The following CREB3L2 variants were observed in gnomAD, a reference collection of about 807,000 sequenced individuals.
CREB3L2 encodes cyclic AMP-responsive element-binding protein 3-like protein 2.
CREB3L2 carries 23 observed loss-of-function variants against 57.2 expected under a neutral mutation model. The observed-to-expected ratio is 0.40, with a 90% CI of 0.29 to 0.57. CREB3L2 has a LOEUF of 0.57. Among genes scored for constraint, CREB3L2 ranks in the 20% least tolerant of loss-of-function variants. The pLI, the probability that CREB3L2 is intolerant of heterozygous loss-of-function variation, is 0.42. For missense variants in CREB3L2, 628 were observed against 634.7 expected, an observed-to-expected ratio of 0.99 and a Z score of 0.11; for synonymous variants, 268 against 265.1, an observed-to-expected ratio of 1.01 and a Z score of -0.11.
At chr7:137,970,959 A>G (rs752975426) in intron 1 of CREB3L2, among the ~76,000 whole-genome samples, 1 of 152,222 alleles carries the variant, frequency 6.6e-6, no homozygotes, top group East Asian at 1.9e-4. Context: ...TGGGTGCCTC[A>G]GTGTGAGATA....
rs1799203036 is a variant in CREB3L2, at chr7:137,878,283, A to C, written c.*2193T>G. On this transcript the variant is annotated 3_prime_UTR_variant, in exon 12 of 12. Transcript: ENST00000330387. Reference sequence around the variant, plus strand: ...GAGCCTTGAAAACCCAGTCTGGTTCAGTTGCAGCAGGTACATGGGTTGGCT... The same window carrying C: ...GAGCCTTGAAAACCCAGTCTGGTTCCGTTGCAGCAGGTACATGGGTTGGCT... The C allele has an allele frequency of 4.3e-6, 1 of 232,812 alleles. No individual in the cohort carries two copies. Among genetic ancestry groups the C allele is most frequent in the African/African-American group, 2.2e-5 (1 of 45,338 alleles). The allele number at this position is 232,812 out of a possible 1,614,324, so 14.4% of individuals were successfully genotyped here. A position where few individuals can be genotyped will look rare whatever the true frequency, so the allele number is the denominator to read the frequency against.
At chr7:137,901,629 C>T (rs1382912355) in intron 7 of CREB3L2, among the ~76,000 whole-genome samples, 1 of 151,202 alleles carries the variant, frequency 6.6e-6, no homozygotes, top group South Asian at 2.1e-4. Context: ...GCCTGTAATC[C>T]CAGCACTTTG....
chr7:137,891,908 A>G (rs1199446893), intron 8 of CREB3L2, among the ~76,000 whole-genome samples: 3 of 152,100 alleles, frequency 2.0e-5, no homozygotes, highest in African/African-American at 7.2e-5. Context: ...CTTACAACAC[A>G]TCTTAGAAAT....
intron 1 of CREB3L2, among the ~76,000 whole-genome samples, chr7:137,933,052 C>G (rs1002960084): frequency 1.3e-5 from 2 of 152,164 alleles, no homozygotes; most frequent in South Asian, 2.1e-4. Context: ...AAGATTAGAA[C>G]CAGACTTCCT....
intron 1 of CREB3L2, among the ~76,000 whole-genome samples, chr7:137,996,869 T>C (rs534688399): frequency 6.6e-6 from 1 of 152,380 alleles, no homozygotes; most frequent in East Asian, 1.9e-4. Flanking sequence ...GCAGAACTTC[T>C]GTTGTTACTT....
chr7:137,942,096 T>A (rs1213104485), intron 1 of CREB3L2, among the ~76,000 whole-genome samples: 1 of 152,194 alleles, frequency 6.6e-6, no homozygotes, highest in African/African-American at 2.4e-5. Flanking sequence ...TTCCCTGCAA[T>A]TTCTCCACAG....
intron 1 of CREB3L2, chr7:137,999,791 T>C (rs1293970036): frequency 1.3e-5 from 2 of 152,260 alleles, no homozygotes; most frequent in African/African-American, 4.8e-5. Context: ...AGGAATGAGC[T>C]GTTCACAACA....
At chr7:137,994,916 T>C (rs1463831450) in intron 1 of CREB3L2, among the ~76,000 whole-genome samples, 2 of 152,206 alleles carry the variant, frequency 1.3e-5, no homozygotes, top group Non-Finnish European at 1.5e-5. Context: ...AACATACCTT[T>C]TGACTAAGGA....
At chr7:137,955,279 T>C in intron 1 of CREB3L2, 1 of 1,289,114 alleles carries the variant, frequency 7.8e-7, no homozygotes, top group Non-Finnish European at 1.0e-6. Context: ...ACAGACAGTT[T>C]CTCTAAGGAG....
chr7:138,000,040 A>T (rs1253546239), intron 1 of CREB3L2, among the ~76,000 whole-genome samples: 2 of 152,132 alleles, frequency 1.3e-5, no homozygotes, highest in African/African-American at 4.8e-5. Context: ...TTCCCTGTGA[A>T]CTCACAAATG....
At position 137,955,318 on chromosome 7, in the gene CREB3L2, C is replaced by T. The variant is rs1235663944; in HGVS notation, c.103-26952G>A. On this transcript the variant is annotated intron_variant, in intron 1 of 11. Coordinates refer to ENST00000330387, the MANE Select transcript of CREB3L2 (RefSeq NM_194071.4). ...GCAGCAAAGCCCTGGTGGATTGAAG[C>T]TGGTCGCATCCTGGTTTGGTAAGCA... 7.8e-6 allele frequency: 10 copies of T among 1,289,078 alleles called. No individual in the cohort carries two copies. The East Asian group carries it at 2.8e-4, about 36-fold the overall frequency. 79.9% of individuals were successfully genotyped at this position (1,289,078 alleles called of 1,614,324 possible).
At position 137,885,408 on chromosome 7, in the gene CREB3L2, G is replaced by A. The variant is rs746296218; in HGVS notation, c.1138C>T (p.Leu380Phe). 6.2e-7 allele frequency: 1 copy of A among 1,613,602 alleles called. No homozygotes were observed. Among genetic ancestry groups the A allele is most frequent in the Non-Finnish European group, 8.5e-7 (1 of 1,179,544 alleles). The change falls in exon 9 of 12, where the codon CTC (leucine) becomes TTC (phenylalanine). Residue 380 changes from leucine (L) to phenylalanine (F), a missense_variant. Coordinates refer to ENST00000330387, the MANE Select transcript of CREB3L2 (RefSeq NM_194071.4). ...TACCCTGCTGGGAAGCTCACCATGA[G>A]GCAGGTGCCAGTCTGCGTGCCAGCT... ...KLAGTQTGTC[L>F]MVVVLCFAVA...
chr7:137,882,803 T>C (rs550246460), intron 10 of CREB3L2, among the ~76,000 whole-genome samples, 175 bp from the exon 11 acceptor site: 28 of 152,288 alleles, frequency 1.8e-4, no homozygotes, highest in Non-Finnish European at 3.5e-4. Context: ...GCTTCGGAGT[T>C]TGTGCATTGA....
Position 137,880,562 on chromosome 7 carries a change from A to T in CREB3L2, c.1488-11T>A. On this transcript the variant is annotated splice_polypyrimidine_tract_variant and intron_variant, in intron 11 of 11. Transcript: ENST00000330387. The surrounding 1 kb of genome is among the most constrained non-coding windows in gnomAD (Gnocchi z 4.0). ...AGTTTGGCGCTGACCCTGTGAAGGC[A>T]TTAAAAGGAAAACGAAGTATTAGTC... 6.2e-7 allele frequency: 1 copy of T among 1,607,586 alleles called. No homozygotes were observed. Among genetic ancestry groups the T allele is most frequent in the Non-Finnish European group, 8.5e-7 (1 of 1,174,224 alleles).
At chr7:137,935,460 C>G (rs927820342) in intron 1 of CREB3L2, among the ~76,000 whole-genome samples, 1 of 152,232 alleles carries the variant, frequency 6.6e-6, no homozygotes, top group African/African-American at 2.4e-5. Context: ...GAATTGATCT[C>G]TCATTTCCCT....
intron 1 of CREB3L2, among the ~76,000 whole-genome samples, chr7:137,971,184 C>G (rs1476633332): frequency 1.3e-5 from 2 of 152,000 alleles, no homozygotes. Flanking sequence ...GGCGTGGTGG[C>G]TCACGCCTGT....
At chr7:137,948,336 G>A (rs1455007750) in intron 1 of CREB3L2, among the ~76,000 whole-genome samples, 2 of 152,164 alleles carry the variant, frequency 1.3e-5, no homozygotes, top group African/African-American at 2.4e-5. Flanking sequence ...CTCAATTCAC[G>A]ATTAAACTGT....
chr7:137,898,039 A>G (rs1799663755), intron 8 of CREB3L2, among the ~76,000 whole-genome samples: 1 of 152,254 alleles, frequency 6.6e-6, no homozygotes, highest in Admixed American at 6.5e-5. Flanking sequence ...AATATTAAAA[A>G]CATATGAGGA....
chr7:137,905,762 C>T lies in CREB3L2; in HGVS notation c.855G>A (p.Leu285=). Residue 285 remains leucine (L), a synonymous_variant, in exon 6 of 12, where the codon TTG becomes TTA. Transcript: ENST00000330387. ...CCTTCTCCTCTGATTTTGACAGGGG[C>T]AATTTGGTGGGGATGGGATAGCCCT... ...IAEGYPIPTK[L]PLSKSEEKAL... The T allele has an allele frequency of 6.2e-7, 1 of 1,614,054 alleles. No individual in the cohort carries two copies. Among genetic ancestry groups the T allele is most frequent in the Non-Finnish European group, 8.5e-7 (1 of 1,179,938 alleles).
Sources: allele counts gnomAD v4.1 joint callset (sites outside exome capture counted in the v4.1 genomes callset), GRCh38; gene constraint gnomAD v4.1.1; non-coding constraint Gnocchi (gnomAD v3.1); transcripts MANE v1.5; gene names NCBI Gene and HGNC (gene_info 2026-07-23, HGNC 2026-07-21).